ANKRD18B: variants seen among roughly 807,000 people sequenced by gnomAD.
The protein encoded by ANKRD18B is ankyrin repeat domain-containing protein 18B.
In ANKRD18B, 75 loss-of-function variants were observed where a neutral mutation model predicts 111.8. The ratio of observed to expected loss-of-function variants is 0.67; its 90% CI spans 0.56 to 0.81. The LOEUF is 0.81. Ranked by LOEUF, ANKRD18B falls within the 40% of genes least tolerant of loss-of-function variation. ANKRD18B has a pLI of 0.00. For synonymous variants in ANKRD18B, 356 were observed against 417.3 expected (o/e 0.85, Z 1.79); for missense variants, 1,038 against 1,225.5 (o/e 0.85, Z 2.28).
chr9:33,530,628 A>G (rs1828100248), intron 3 of ANKRD18B, among the ~76,000 whole-genome samples: 1 of 152,106 alleles, frequency 6.6e-6, no homozygotes, highest in Non-Finnish European at 1.5e-5. Context: ...TCTCAAAGAC[A>G]TAAGAAATCT....
chr9:33,543,385 A>G, intron 10 of ANKRD18B, 130 bp downstream of exon 10: 1 of 762,672 alleles, frequency 1.3e-6, no homozygotes, highest in Non-Finnish European at 2.0e-6. Context: ...TTTCATGTTG[A>G]ATTTTAAAAT....
Position 33,536,761 on chromosome 9 carries a change from T to G in ANKRD18B, c.741-117T>G, listed in dbSNP as rs961194201. On this transcript the variant is annotated intron_variant, in intron 5 of 18. Transcript: ENST00000684830. ...TAAAATTTTAAAGTGTATTGGACAT[T>G]AGATTTCTGATATTAGCTCTGATAT... is the stretch of plus-strand genomic sequence containing the variant. 15 of 635,292 alleles carry G rather than the reference T, an allele frequency of 2.4e-5. No homozygotes were observed. In the African/African-American group the frequency reaches 2.7e-4, roughly 12 times the overall value. 39.4% of individuals were successfully genotyped at this position (635,292 alleles called of 1,614,324 possible).
At chr9:33,546,058 C>A (rs1420789433) in intron 10 of ANKRD18B, among the ~76,000 whole-genome samples, 2 of 152,066 alleles carry the variant, frequency 1.3e-5, no homozygotes, top group African/African-American at 4.8e-5. Context: ...ACCTTCTGAA[C>A]CAGATAAGCA....
At position 33,568,887 on chromosome 9, in the gene ANKRD18B, G is replaced by C; in HGVS notation, c.3171G>C (p.Leu1057Phe). Residue 1057 changes from leucine (L) to phenylalanine (F), a missense_variant, in exon 17 of 19, where the codon TTG becomes TTC. Leu to Phe is a conservative substitution (Grantham distance 22). Transcript: ENST00000684830. ...CTTCAAATAACTGCAAGAACTCCTTGACTGAGGTTAGTTATATGACCATTT... is the reference window on the plus strand; with the variant it reads ...CTTCAAATAACTGCAAGAACTCCTTCACTGAGGTTAGTTATATGACCATTT... ...PQTSNNCKNSLTEMELDCAEQ... is the reference protein window; with the variant it reads ...PQTSNNCKNSFTEMELDCAEQ... 6 of 1,547,158 alleles carry C rather than the reference G, an allele frequency of 3.9e-6. No homozygotes were observed. Among genetic ancestry groups the C allele is most frequent in the Non-Finnish European group, 5.2e-6 (6 of 1,145,202 alleles).
At chr9:33,530,355 C>G (rs1390567403) in intron 3 of ANKRD18B, among the ~76,000 whole-genome samples, 1 of 152,034 alleles carries the variant, frequency 6.6e-6, no homozygotes, top group African/African-American at 2.4e-5. Flanking sequence ...CCTGTAGTCC[C>G]AGCTACTCAG....
At chr9:33,556,484 G>A (rs1206284833) in intron 13 of ANKRD18B, among the ~76,000 whole-genome samples, 20 of 152,046 alleles carry the variant, frequency 1.3e-4, no homozygotes, top group East Asian at 1.9e-4. Flanking sequence ...GGCTGGTCTC[G>A]AACTCCTGAC....
chr9:33,541,257 C>T (rs772663946), intron 9 of ANKRD18B, 30 bp downstream of exon 9: 22 of 1,528,360 alleles, frequency 1.4e-5, no homozygotes, highest in Admixed American at 4.4e-5. Context: ...CTACTCTTAA[C>T]CATGTAAAGA....
In ANKRD18B at chr9:33,534,442, T is replaced by G; in HGVS notation, c.675T>G (p.His225Gln). Residue 225 changes from histidine to glutamine, a missense_variant, in exon 5 of 19, where the codon CAT (histidine) becomes CAG (glutamine). Transcript: ENST00000684830. The part of the protein sequence containing the change: ...IVTLLLQQNI[H>Q]ISSQDMFGQT... ...CCCTCCTGCTTCAACAAAATATACA[T>G]ATCTCTTCTCAAGACATGTTTGGCC... 6.4e-7 allele frequency: 1 copy of G among 1,551,454 alleles called. No homozygotes were observed. The highest frequency in any genetic ancestry group is 1.2e-5 in the South Asian group (1 of 83,934).
rs1255504344 is a variant in ANKRD18B, at chr9:33,572,626, T to C, written c.*192T>C. 10 of 1,219,492 alleles carry C rather than the reference T, an allele frequency of 8.2e-6. No homozygotes were observed. The East Asian group carries it at 2.4e-4, about 29-fold the overall frequency. The allele number at this position is 1,219,492 out of a possible 1,614,324, so 75.5% of individuals were successfully genotyped here. A position where few individuals can be genotyped will look rare whatever the true frequency, so the allele number is the denominator to read the frequency against. ...ATCTTGCAAATGAACACCAGTGTTA[T>C]TGAGTTTGACCTACTCAAATTGCCT... On this transcript the variant is annotated 3_prime_UTR_variant, in exon 19 of 19. Coordinates refer to ENST00000684830, the MANE Select transcript of ANKRD18B (RefSeq NM_001393611.1).
chr9:33,566,998 T>C, intron 15 of ANKRD18B, 105 bp from the exon 16 acceptor site: 1 of 1,101,534 alleles, frequency 9.1e-7, no homozygotes, highest in Non-Finnish European at 1.3e-6. Context: ...CTTTTTAACA[T>C]ATTCAAAATT....
intron 15 of ANKRD18B, 108 bp downstream of exon 15, chr9:33,566,608 G>A: frequency 7.4e-7 from 1 of 1,344,306 alleles, no homozygotes; most frequent in East Asian, 2.6e-5. Flanking sequence ...CTCTCTTACG[G>A]CAATTTCCTT....
chr9:33,543,154 AT>A, intron 9 of ANKRD18B, 30 bp from the exon 10 acceptor site: 2 of 1,523,036 alleles, frequency 1.3e-6, no homozygotes, highest in Non-Finnish European at 1.8e-6. Flanking sequence ...TAAGTCATTC[AT>A]TTTAACTAAA....
intron 14 of ANKRD18B, among the ~76,000 whole-genome samples, chr9:33,565,529 G>A (rs1004604141): frequency 6.6e-6 from 1 of 152,132 alleles, no homozygotes; most frequent in African/African-American, 2.4e-5. Context: ...CAGTGATGTG[G>A]TCATAATTCA....
At chr9:33,539,360 G>A (rs964645216) in intron 6 of ANKRD18B, 89 bp from the exon 7 acceptor site, 5 of 163,212 alleles carry the variant, frequency 3.1e-5, no homozygotes, top group Admixed American at 6.5e-5. Context: ...TAGGGTAAGC[G>A]TGCAGAGTGA....
chr9:33,527,283 A>G (rs1241686122), intron 1 of ANKRD18B, among the ~76,000 whole-genome samples: 3 of 151,366 alleles, frequency 2.0e-5, no homozygotes, highest in Non-Finnish European at 4.4e-5. Flanking sequence ...CTCAATCATG[A>G]GTTTCCTTTA....
At chr9:33,535,775 T>G (rs977514640) in intron 5 of ANKRD18B, among the ~76,000 whole-genome samples, 2 of 138,924 alleles carry the variant, frequency 1.4e-5, no homozygotes, top group Non-Finnish European at 3.1e-5. Context: ...TATATTATCA[T>G]TATAAATATT....
At chr9:33,537,915 T>C (rs1345396028) in intron 6 of ANKRD18B, among the ~76,000 whole-genome samples, 4 of 152,328 alleles carry the variant, frequency 2.6e-5, no homozygotes, top group South Asian at 4.1e-4. Flanking sequence ...TACTTAGTAT[T>C]CATAAACATA....
rs773211821 is a variant in ANKRD18B at position 33,550,396 on chromosome 9, C to T, written c.2068-34C>T. On this transcript the variant is annotated intron_variant, in intron 11 of 18. Coordinates refer to ENST00000684830, the MANE Select transcript of ANKRD18B (RefSeq NM_001393611.1). ...ATTAACATAATTTAATAATAAGGCA[C>T]TTTATAAAATTGGTAACAAAAATAT... The T allele has an allele frequency of 3.5e-5, 53 of 1,512,102 alleles. No homozygotes were observed. In the Middle Eastern group the frequency reaches 6.9e-4, roughly 20 times the overall value. The allele number at this position is 1,512,102 out of a possible 1,614,324, so 93.7% of individuals were successfully genotyped here. A position where few individuals can be genotyped will look rare whatever the true frequency, so the allele number is the denominator to read the frequency against.
intron 10 of ANKRD18B, 145 bp from the exon 11 acceptor site, chr9:33,547,793 G>T (rs1194493840): frequency 3.6e-6 from 2 of 557,698 alleles, no homozygotes; most frequent in Admixed American, 3.9e-5. Flanking sequence ...AAGGTTCAAG[G>T]TTTTGCTTCA....
Sources: allele counts gnomAD v4.1 joint callset (sites outside exome capture counted in the v4.1 genomes callset), GRCh38; gene constraint gnomAD v4.1.1; transcripts MANE v1.5; gene names NCBI Gene and HGNC (gene_info 2026-07-23, HGNC 2026-07-21).